The following PLEC variants were observed in gnomAD, a reference collection of about 807,000 sequenced individuals.
PLEC encodes the protein hemidesmosomal protein 1.
PLEC carries 216 observed loss-of-function variants against 392.8 expected under a neutral mutation model. The observed-to-expected ratio is 0.55, with a 90% CI of 0.49 to 0.62. The LOEUF is 0.62. PLEC is among the 20% of genes least tolerant of loss of function. PLEC has a pLI of 0.00. For synonymous variants in PLEC, 3,621 were observed against 2,980.6 expected (o/e 1.21, Z -7.00); for missense variants, 6,863 against 6,563.4 (o/e 1.05, Z -1.58).
At chr8:143,963,447 T>C (rs1433617964) in intron 1 of PLEC, among the ~76,000 whole-genome samples, 1 of 152,250 alleles carries the variant, frequency 6.6e-6, no homozygotes, top group African/African-American at 2.4e-5. Context: ...TCAGACTTGC[T>C]TGGGACTGGC....
rs1483574817 is a variant in PLEC at position 143,927,638 on chromosome 8, G to A, written c.3528C>T (p.Arg1176=). 1.3e-6 allele frequency: 2 copies of A among 1,586,960 alleles called. No individual in the cohort carries two copies. The highest frequency in any genetic ancestry group is 1.7e-6 in the Non-Finnish European group (2 of 1,170,154). Residue 1176 remains arginine (R), a synonymous_variant, in exon 27 of 32, where the codon CGC becomes CGT. Transcript: ENST00000345136. ...RHGERDVEVE[R]WRERVAQLLE... ...GCAACTGGGCGACCCGCTCCCGCCAGCGCTCCACCTCCACGTCCCGCTCCC... is the reference window on the plus strand; with the variant it reads ...GCAACTGGGCGACCCGCTCCCGCCAACGCTCCACCTCCACGTCCCGCTCCC...
chr8:143,946,458 A>C, intron 1 of PLEC: 1 of 1,212,864 alleles, frequency 8.2e-7, no homozygotes, highest in Non-Finnish European at 1.1e-6. Flanking sequence ...GAAGGAGGGA[A>C]GGGGTGGGAG....
At chr8:143,931,830 G>A in intron 18 of PLEC, 107 bp downstream of exon 18, 9 of 1,412,070 alleles carry the variant, frequency 6.4e-6, no homozygotes, top group South Asian at 1.2e-5. Flanking sequence ...GCAGCAGCTG[G>A]CAACGTCTGC....
rs377059744 is a variant in PLEC at position 143,927,578 on chromosome 8, G to A, written c.3588C>T (p.Asp1196=). 1,439 of 1,589,742 alleles carry A rather than the reference G, an allele frequency of 9.1e-4. 2 individuals are homozygous for A. The highest frequency in any genetic ancestry group is 1.1e-3 in the Non-Finnish European group (1,314 of 1,175,506). Residue 1196 remains aspartate, a synonymous_variant, in exon 27 of 32, where the codon GAC becomes GAT. Transcript: ENST00000345136. ...ERWQAVLAQT[D]VRQRELEQLG... ...GTTGCTCGAGCTCGCGCTGCCGCAC[G>A]TCGGTCTGGGCCAGCACAGCCTGCC...
chr8:143,951,666 C>A (rs1003831267), upstream of PLEC, among the ~76,000 whole-genome samples: 2 of 152,142 alleles, frequency 1.3e-5, no homozygotes, highest in Non-Finnish European at 2.9e-5. Context: ...GATTCCCAGC[C>A]GCTGCCACAG....
chr8:143,951,688 G>A (rs1368692172), upstream of PLEC, among the ~76,000 whole-genome samples: 1 of 152,152 alleles, frequency 6.6e-6, no homozygotes, highest in Non-Finnish European at 1.5e-5. Flanking sequence ...GAAAGTCACC[G>A]AGTCCCTACC....
At chr8:143,947,704 T>TC (rs1831662643) in intron 1 of PLEC, among the ~76,000 whole-genome samples, 1 of 152,178 alleles carries the variant, frequency 6.6e-6, no homozygotes, top group Non-Finnish European at 1.5e-5. Context: ...GAGCCAAGAC[T>TC]GTGCTATTGC....
At position 143,931,676 on chromosome 8, in the gene PLEC, G is replaced by T; in HGVS notation, c.2179-17C>A. On this transcript the variant is annotated splice_polypyrimidine_tract_variant and intron_variant, in intron 18 of 31. Coordinates refer to ENST00000345136, the MANE Select transcript of PLEC (RefSeq NM_201384.3). ...TGAGAAGAACTGGGGCAGCGGGAGGGGGTCACGCCAGGCTACCTGGGACCA... is the reference window on the plus strand; with the variant it reads ...TGAGAAGAACTGGGGCAGCGGGAGGTGGTCACGCCAGGCTACCTGGGACCA... 6.3e-7 allele frequency: 1 copy of T among 1,593,624 alleles called. No individual in the cohort carries two copies. Among genetic ancestry groups the T allele is most frequent in the Non-Finnish European group, 8.5e-7 (1 of 1,170,802 alleles).
At position 143,938,178 on chromosome 8, in the gene PLEC, C is replaced by T. The variant is rs782741248; in HGVS notation, c.237G>A (p.Leu79=). ...GGCTGTCCCCCGAGAGGACCTCCAG[C>T]AGGGAGATGAGGTTGTGGCCATCGC... ...DLRDGHNLIS[L]LEVLSGDSLP... is the part of the protein sequence containing the mutation. The change falls in exon 3 of 32, where the codon CTG becomes CTA. Residue 79 remains leucine, a synonymous_variant. Coordinates refer to ENST00000345136, the MANE Select transcript of PLEC (RefSeq NM_201384.3). The T allele has an allele frequency of 6.2e-7, 1 of 1,608,458 alleles. No individual in the cohort carries two copies. The highest frequency in any genetic ancestry group is 1.7e-5 in the Admixed American group (1 of 59,854).
chr8:143,923,147 T>C lies in PLEC; in HGVS notation c.6782A>G (p.Asn2261Ser), dbSNP rs200272804. ...CTCCTCCTGCAGGAAGCGCTGCGTA[T>C]TGTCCTTGTCACGCAAGATGAGTGC... The part of the protein sequence containing the change: ...NRALILRDKD[N>S]TQRFLQEEAE... The change falls in exon 31 of 32, where the codon AAT becomes AGT. Residue 2261 changes from asparagine (N) to serine (S), a missense_variant. Asn to Ser is a conservative substitution (Grantham distance 46). Transcript: ENST00000345136. 131 of 1,602,946 alleles carry C rather than the reference T, an allele frequency of 8.2e-5. No individual in the cohort carries two copies. Among genetic ancestry groups the C allele is most frequent in the Non-Finnish European group, 1.0e-4 (123 of 1,179,874 alleles).
At chr8:143,972,910 A>G (rs1221177796) in intron 1 of PLEC, among the ~76,000 whole-genome samples, 1 of 152,138 alleles carries the variant, frequency 6.6e-6, no homozygotes, top group Non-Finnish European at 1.5e-5. Flanking sequence ...GTGAACAGAG[A>G]AGGGGTGTGG....
intron 1 of PLEC, chr8:143,945,234 G>T: frequency 2.0e-6 from 1 of 488,902 alleles, no homozygotes; most frequent in African/African-American, 2.0e-5. Context: ...CAGGCAGCCC[G>T]AAACCAGGGC....
upstream of PLEC, among the ~76,000 whole-genome samples, chr8:143,951,099 C>T (rs1016019197): frequency 9.2e-5 from 14 of 152,312 alleles, no homozygotes; most frequent in East Asian, 7.7e-4. Flanking sequence ...ACGGCTCCAA[C>T]GTCAGAAATG....
At chr8:143,934,119 G>C (rs374727215) in intron 11 of PLEC, 28 bp from the exon 12 acceptor site, 7 of 1,605,886 alleles carry the variant, frequency 4.4e-6, no homozygotes, top group Non-Finnish European at 3.4e-6. Flanking sequence ...GGAAGGGGCC[G>C]CGTTGGCCGG....
In PLEC at chr8:143,929,015, C is replaced by T; in HGVS notation, c.3260+88G>A. ...TCTCTGAACAGCCCCCAACTCGTTCCCTCCTGCACCCTCCTGCAAGGTCAC... is the reference window on the plus strand; with the variant it reads ...TCTCTGAACAGCCCCCAACTCGTTCTCTCCTGCACCCTCCTGCAAGGTCAC... On this transcript the variant is annotated intron_variant, in intron 25 of 31. Transcript: ENST00000345136. 4 of 1,230,908 alleles carry T rather than the reference C, an allele frequency of 3.2e-6. No homozygotes were observed. The East Asian group carries it at 1.0e-4, about 31-fold the overall frequency. 76.2% of individuals were successfully genotyped at this position (1,230,908 alleles called of 1,614,324 possible).
rs200751865 is a variant in PLEC at position 143,924,233 on chromosome 8, C to T, written c.5696G>A (p.Arg1899His). 4.3e-5 allele frequency: 69 copies of T among 1,598,354 alleles called. No individual in the cohort carries two copies. The highest frequency in any genetic ancestry group is 3.0e-4 in the Admixed American group (18 of 59,922). Residue 1899 changes from arginine (R) to histidine (H), a missense_variant, in exon 31 of 32, where the codon CGC becomes CAC. Arg to His is a conservative substitution (Grantham distance 29). Coordinates refer to ENST00000345136, the MANE Select transcript of PLEC (RefSeq NM_201384.3). ...ADIEERLAQL[R>H]KASDSELERQ... is the part of the protein sequence containing the mutation. ...CTCCAGCTCGCTGTCCGATGCCTTG[C>T]GCAGCTGGGCCAGGCGCTCCTCGAT...
At chr8:143,933,589 G>A (rs1006398851) in intron 12 of PLEC, among the ~76,000 whole-genome samples, 46 of 152,270 alleles carry the variant, frequency 3.0e-4, no homozygotes, top group African/African-American at 1.1e-3. Flanking sequence ...CCATGACCAT[G>A]TCTGTGGGGT....
At position 143,929,745 on chromosome 8, in the gene PLEC, C is replaced by A. The variant is rs1826548509; in HGVS notation, c.2824G>T (p.Asp942Tyr). 6.3e-7 allele frequency: 1 copy of A among 1,599,894 alleles called. No homozygotes were observed. The part of the protein sequence containing the change: ...HYQAFLRDSQ[D>Y]AGGFGPEDRL... Reference sequence around the variant, plus strand: ...TCCTCGGGTCCGAAGCCGCCCGCGTCCTGGCTGTCCCGCAGGAAGGCCTGG... The same window carrying A: ...TCCTCGGGTCCGAAGCCGCCCGCGTACTGGCTGTCCCGCAGGAAGGCCTGG... Residue 942 changes from aspartate to tyrosine, a missense_variant, in exon 23 of 32, where the codon GAC becomes TAC. Physicochemically the swap from Asp to Tyr is radical, Grantham distance 160. Coordinates refer to ENST00000345136, the MANE Select transcript of PLEC (RefSeq NM_201384.3).
Position 143,922,375 on chromosome 8 carries a change from C to G in PLEC, c.7446G>C (p.Glu2482Asp). ...KSEEMQTVQQ[E>D]QLLQETQALQ... ...GGGCCTGCGTCTCCTGCAGCAGCTGCTCCTGCTGCACCGTCTGCATCTGCA... is the reference window on the plus strand; with the variant it reads ...GGGCCTGCGTCTCCTGCAGCAGCTGGTCCTGCTGCACCGTCTGCATCTGCA... The change falls in exon 32 of 32, where the codon GAG (glutamate) becomes GAC (aspartate). Residue 2482 changes from glutamate to aspartate, a missense_variant. Physicochemically the swap from Glu to Asp is conservative, Grantham distance 45. Coordinates refer to ENST00000345136, the MANE Select transcript of PLEC (RefSeq NM_201384.3). 6.2e-7 allele frequency: 1 copy of G among 1,602,988 alleles called. No individual in the cohort carries two copies. Among genetic ancestry groups the G allele is most frequent in the Non-Finnish European group, 8.5e-7 (1 of 1,179,962 alleles).
Sources: allele counts gnomAD v4.1 joint callset (sites outside exome capture counted in the v4.1 genomes callset), GRCh38; gene constraint gnomAD v4.1.1; transcripts MANE v1.5; gene names NCBI Gene and HGNC (gene_info 2026-07-23, HGNC 2026-07-21).